The following KCNIP4 variants were observed in gnomAD, a reference collection of about 807,000 sequenced individuals.
The protein encoded by KCNIP4 is Kv channel-interacting protein 4.
KCNIP4 carries 12 observed loss-of-function variants against 34.0 expected under a neutral mutation model. The ratio of observed to expected loss-of-function variants is 0.35; its 90% confidence interval spans 0.23 to 0.57. KCNIP4 has a LOEUF of 0.57. KCNIP4 is among the 20% of genes least tolerant of loss of function. The pLI, the probability that KCNIP4 is intolerant of heterozygous loss-of-function variation, is 0.83. For missense variants in KCNIP4, 238 were observed against 311.7 expected, an observed-to-expected ratio of 0.76 and a Z score of 1.78; for synonymous variants, 124 against 102.2, an observed-to-expected ratio of 1.21 and a Z score of -1.29.
intron 8 of KCNIP4, chr4:20,731,608 T>C: frequency 2.0e-6 from 2 of 985,184 alleles, no homozygotes; most frequent in Non-Finnish European, 1.2e-6. Flanking sequence ...GCTTGGCCTG[T>C]TGTGATGCCA....
At chr4:21,832,942 A>T (rs988403951) in intron 1 of KCNIP4, among the ~76,000 whole-genome samples, 8 of 150,216 alleles carry the variant, frequency 5.3e-5, no homozygotes, top group African/African-American at 2.0e-4. Context: ...ATGGCTGCAT[A>T]GTATTTCATG....
chr4:21,041,265 C>T (rs981849817), intron 1 of KCNIP4, among the ~76,000 whole-genome samples: 9 of 151,238 alleles, frequency 6.0e-5, no homozygotes, highest in Non-Finnish European at 1.0e-4. Context: ...CACACACACA[C>T]GCACATGAAA....
intron 1 of KCNIP4, among the ~76,000 whole-genome samples, chr4:21,435,062 A>G (rs2109681986): frequency 6.6e-6 from 1 of 152,332 alleles, no homozygotes; most frequent in East Asian, 1.9e-4. Context: ...CTGAAATTCT[A>G]CAGCATCATT....
At chr4:21,145,979 G>A (rs903068458) in intron 1 of KCNIP4, among the ~76,000 whole-genome samples, 1 of 152,194 alleles carries the variant, frequency 6.6e-6, no homozygotes, top group African/African-American at 2.4e-5. Flanking sequence ...GTTTAATTCC[G>A]TGTATGAATT....
chr4:21,686,524 C>T (rs567667990), intron 1 of KCNIP4, among the ~76,000 whole-genome samples: 104 of 151,864 alleles, frequency 6.8e-4, no homozygotes, highest in African/African-American at 2.4e-3. Context: ...CTATGTTCCC[C>T]GTAGAAAAAT....
chr4:21,582,018 G>C (rs1560534471), intron 1 of KCNIP4: 2 of 138,040 alleles, frequency 1.4e-5, no homozygotes, highest in African/African-American at 2.8e-5. Context: ...GAATAGAATA[G>C]AATAGAATAG....
chr4:21,312,155 G>T (rs1339491288), intron 1 of KCNIP4, among the ~76,000 whole-genome samples: 1 of 152,196 alleles, frequency 6.6e-6, no homozygotes, highest in African/African-American at 2.4e-5. Context: ...CATTTGAGCT[G>T]TACATTACCA....
chr4:21,150,284 G>GTATGCATTGGAGGAGTTTATA (rs1752667255), intron 1 of KCNIP4, among the ~76,000 whole-genome samples: 1 of 145,032 alleles, frequency 6.9e-6, no homozygotes, highest in African/African-American at 2.9e-5. Context: ...GAGTGTTAAT[G>GTATGCATTGGAGGAGTTTATA]AGGGTAATGC....
intron 1 of KCNIP4, chr4:21,697,630 C>T (rs567431511): frequency 7.5e-7 from 1 of 1,324,868 alleles, no homozygotes; most frequent in African/African-American, 1.5e-5. Context: ...AAGCCAGATA[C>T]AGCTACAACA....
intron 1 of KCNIP4, among the ~76,000 whole-genome samples, chr4:21,738,530 T>C (rs1051844403): frequency 3.3e-5 from 5 of 152,240 alleles, no homozygotes; most frequent in African/African-American, 1.2e-4. Context: ...TTTCAGAACA[T>C]TGCTCAGGGC....
intron 1 of KCNIP4, among the ~76,000 whole-genome samples, chr4:21,062,697 C>G (rs1744031131): frequency 6.6e-6 from 1 of 152,130 alleles, no homozygotes; most frequent in African/African-American, 2.4e-5. Flanking sequence ...TGAGAATCAG[C>G]AGAGCCAATC....
At chr4:20,889,259 A>G (rs906411882) in intron 1 of KCNIP4, among the ~76,000 whole-genome samples, 6 of 152,190 alleles carry the variant, frequency 3.9e-5, no homozygotes, top group African/African-American at 1.4e-4. Context: ...CATCTCTGCT[A>G]GTAAATTATA....
chr4:21,077,354 C>T (rs1422377386), intron 1 of KCNIP4, among the ~76,000 whole-genome samples: 1 of 152,086 alleles, frequency 6.6e-6, no homozygotes, highest in Non-Finnish European at 1.5e-5. Flanking sequence ...AGTTACTACT[C>T]AGACTATAAA....
At chr4:20,754,577 G>A (rs1488611138) in intron 4 of KCNIP4, among the ~76,000 whole-genome samples, 1 of 152,152 alleles carries the variant, frequency 6.6e-6, no homozygotes, top group Non-Finnish European at 1.5e-5. Flanking sequence ...AAAATGCAAA[G>A]CAAATCATAA....
chr4:20,941,314 A>G (rs1219850309), intron 1 of KCNIP4, among the ~76,000 whole-genome samples: 1 of 152,214 alleles, frequency 6.6e-6, no homozygotes, highest in Non-Finnish European at 1.5e-5. Context: ...GCTTTACTTG[A>G]CTGGTTGCCA....
chr4:20,744,094 A>T (rs1181678445), intron 5 of KCNIP4, among the ~76,000 whole-genome samples: 1 of 152,208 alleles, frequency 6.6e-6, no homozygotes, highest in African/African-American at 2.4e-5. Context: ...AATGACAATC[A>T]TTAAGAAGTC....
intron 1 of KCNIP4, among the ~76,000 whole-genome samples, chr4:21,556,185 G>C (rs575862716): frequency 6.6e-6 from 1 of 152,198 alleles, no homozygotes; most frequent in South Asian, 2.1e-4. Context: ...TAGATTATTG[G>C]CTTTCGAGTT....
intron 1 of KCNIP4, among the ~76,000 whole-genome samples, chr4:21,418,578 C>T (rs966426894): frequency 6.6e-6 from 1 of 152,118 alleles, no homozygotes; most frequent in African/African-American, 2.4e-5. Context: ...TCCATCTGTC[C>T]CTGCATCGCT....
chr4:21,451,348 T>A (rs1728492645), intron 1 of KCNIP4, among the ~76,000 whole-genome samples: 1 of 152,120 alleles, frequency 6.6e-6, no homozygotes. Context: ...GACTCAAACA[T>A]CCATGGTGAT....
Sources: allele counts gnomAD v4.1 joint callset (sites outside exome capture counted in the v4.1 genomes callset), GRCh38; gene constraint gnomAD v4.1.1; transcripts MANE v1.5; gene names NCBI Gene and HGNC (gene_info 2026-07-23, HGNC 2026-07-21).